Variants in COL26A1 observed in about 807,000 individuals in gnomAD.
COL26A1 encodes collagen type XXVI alpha 1 chain.
A neutral mutation model predicts 59.3 loss-of-function variants in COL26A1; 41 were observed. That is an observed-to-expected ratio of 0.69 (90% CI 0.54 to 0.90). The LOEUF is 0.90. Ranked by LOEUF, COL26A1 falls within the 40% of genes least tolerant of loss-of-function variation. The probability of loss-of-function intolerance (pLI) is 0.00; values close to 1 mark genes in which losing one functional copy is unlikely to be tolerated. For synonymous variants in COL26A1, 266 were observed against 256.0 expected, an observed-to-expected ratio of 1.04 and a Z score of -0.37; for missense variants, 612 against 602.3, an observed-to-expected ratio of 1.02 and a Z score of -0.17.
At chr7:101,489,828 T>G (rs1473567574) in intron 3 of COL26A1, among the ~76,000 whole-genome samples, 1 of 10,928 alleles carries the variant, frequency 9.2e-5, no homozygotes, top group Non-Finnish European at 1.4e-4. Flanking sequence ...CTTTCTTTCT[T>G]TCTTTCTTTC....
intron 1 of COL26A1, among the ~76,000 whole-genome samples, chr7:101,385,367 GTA>G (rs373941775): frequency 0.069 from 9,396 of 136,570 alleles, 696 homozygotes; most frequent in African/African-American, 0.17. Context: ...ATATATGTGT[GTA>G]TATATATATA....
chr7:101,458,880 C>A (rs761273461), intron 3 of COL26A1, among the ~76,000 whole-genome samples: 2 of 150,296 alleles, frequency 1.3e-5, no homozygotes, highest in Non-Finnish European at 3.0e-5. Flanking sequence ...TAGCTCACTG[C>A]AGCCTTGAAC....
intron 3 of COL26A1, 41 bp downstream of exon 3, chr7:101,447,828 G>C: frequency 2.3e-6 from 3 of 1,309,090 alleles, no homozygotes; most frequent in Non-Finnish European, 2.2e-6. Context: ...GCCAGGCGTG[G>C]GCCAGGCTGG....
At chr7:101,482,358 T>C (rs1794174911) in intron 3 of COL26A1, among the ~76,000 whole-genome samples, 1 of 152,200 alleles carries the variant, frequency 6.6e-6, no homozygotes, top group Admixed American at 6.5e-5. Flanking sequence ...GCATGAGGCC[T>C]TTGAAAATAA....
intron 1 of COL26A1, among the ~76,000 whole-genome samples, chr7:101,418,994 T>TTC (rs148238686): frequency 0.014 from 2,005 of 147,500 alleles, 41 homozygotes; most frequent in African/African-American, 0.045. Context: ...CTTTCTTTCT[T>TTC]TCTCTCTCTC....
At chr7:101,506,928 C>CT (rs370429365) in intron 3 of COL26A1, among the ~76,000 whole-genome samples, 26,178 of 148,966 alleles carry the variant, frequency 0.18, 4,970 homozygotes, top group African/African-American at 0.48. Flanking sequence ...AGAACCACTC[C>CT]TTTTTTTTTT....
chr7:101,500,016 A>C (rs974372156), intron 3 of COL26A1, among the ~76,000 whole-genome samples: 1 of 152,116 alleles, frequency 6.6e-6, no homozygotes, highest in South Asian at 2.1e-4. Context: ...TTTGACAGTC[A>C]GTTGAAGTCA....
At chr7:101,466,795 GGTGT>G (rs59942660) in intron 3 of COL26A1, among the ~76,000 whole-genome samples, 6,754 of 125,120 alleles carry the variant, frequency 0.054, 394 homozygotes, top group African/African-American at 0.16. Context: ...GGCATGTTCT[GGTGT>G]GTGTGTGTGT....
intron 1 of COL26A1, among the ~76,000 whole-genome samples, chr7:101,378,074 T>G (rs1449227614): frequency 2.6e-5 from 4 of 152,012 alleles, no homozygotes; most frequent in African/African-American, 9.7e-5. Flanking sequence ...TCTGGCTAAT[T>G]TATCATTTAA....
At chr7:101,469,065 A>AG (rs1793833080) in intron 3 of COL26A1, among the ~76,000 whole-genome samples, 1 of 152,208 alleles carries the variant, frequency 6.6e-6, no homozygotes. Context: ...AGAGCGCATC[A>AG]GCAGACACGC....
At chr7:101,542,087 C>T (rs949986332) in intron 5 of COL26A1, among the ~76,000 whole-genome samples, 3 of 152,084 alleles carry the variant, frequency 2.0e-5, no homozygotes, top group Non-Finnish European at 4.4e-5. Flanking sequence ...CTGCCTCAGC[C>T]TCCCTAATAA....
intron 3 of COL26A1, among the ~76,000 whole-genome samples, chr7:101,509,926 C>T (rs766902241): frequency 4.6e-5 from 7 of 151,718 alleles, no homozygotes; most frequent in Non-Finnish European, 7.4e-5. Context: ...CGGGGTTTCA[C>T]CATGTTGGCC....
At chr7:101,488,693 G>A (rs913192880) in intron 3 of COL26A1, among the ~76,000 whole-genome samples, 5 of 151,946 alleles carry the variant, frequency 3.3e-5, no homozygotes, top group South Asian at 4.1e-4. Flanking sequence ...AGTTTTAAGC[G>A]TTCAATTCAG....
intron 3 of COL26A1, among the ~76,000 whole-genome samples, chr7:101,495,722 G>A (rs189559888): frequency 6.0e-5 from 9 of 148,970 alleles, no homozygotes; most frequent in Non-Finnish European, 1.0e-4. Context: ...CCCGGCCAGC[G>A]TAGGGTATTT....
chr7:101,456,633 C>CT (rs1793480168), intron 3 of COL26A1, among the ~76,000 whole-genome samples: 1 of 116,414 alleles, frequency 8.6e-6, no homozygotes, highest in South Asian at 2.5e-4. Context: ...CATTGCACTC[C>CT]ACCTCGGCAA....
At chr7:101,368,757 G>A (rs1791108522) in intron 1 of COL26A1, among the ~76,000 whole-genome samples, 1 of 152,006 alleles carries the variant, frequency 6.6e-6, no homozygotes, top group African/African-American at 2.4e-5. Context: ...AATTTGGTCC[G>A]GTGTCAACCC....
chr7:101,370,811 CT>C (rs1448185605), intron 1 of COL26A1, among the ~76,000 whole-genome samples: 1 of 152,202 alleles, frequency 6.6e-6, no homozygotes, highest in Non-Finnish European at 1.5e-5. Context: ...ACTCCCCCCT[CT>C]TTTGGTAGAA....
chr7:101,448,920 A>G (rs1002983109), intron 3 of COL26A1, among the ~76,000 whole-genome samples: 8 of 152,226 alleles, frequency 5.3e-5, no homozygotes, highest in Non-Finnish European at 1.0e-4. Flanking sequence ...TTGAGTGTAA[A>G]CTGTCTAAAG....
intron 11 of COL26A1, among the ~76,000 whole-genome samples, chr7:101,554,971 T>G (rs1795935913): frequency 6.6e-6 from 1 of 152,122 alleles, no homozygotes; most frequent in Non-Finnish European, 1.5e-5. Context: ...CTTTTTGGTT[T>G]CCTTTTGTTT....
Sources: gnomAD v4.1 joint callset for allele counts (sites outside exome capture counted in the v4.1 genomes callset) on GRCh38, gnomAD v4.1.1 for gene constraint, MANE v1.5 for transcripts, NCBI Gene and HGNC (gene_info 2026-07-23, HGNC 2026-07-21) for gene names.